Variants in PKHD1 observed in about 807,000 individuals in gnomAD.
The protein encoded by PKHD1 is fibrocystin.
In PKHD1, 291 loss-of-function variants were observed where a neutral mutation model predicts 412.0. The observed-to-expected ratio is 0.71, with a 90% CI of 0.64 to 0.78. The LOEUF is 0.78. PKHD1 is among the 30% of genes least tolerant of loss of function. PKHD1 has a pLI of 0.00. For missense variants in PKHD1, 4,825 were observed against 4,950.7 expected (o/e 0.97, Z 0.76); for synonymous variants, 1,777 against 1,821.5 (o/e 0.98, Z 0.62).
chr6:52,050,042 C>T (rs770376502), intron 22 of PKHD1, 115 bp downstream of exon 22: 80 of 955,116 alleles, frequency 8.4e-5, no homozygotes, highest in Non-Finnish European at 1.3e-4. Flanking sequence ...AGATTGAGAA[C>T]ATTGCTTTAA....
intron 53 of PKHD1, among the ~76,000 whole-genome samples, chr6:51,784,331 A>G (rs747939090): frequency 7.9e-5 from 12 of 152,174 alleles, no homozygotes; most frequent in Admixed American, 2.6e-4. Context: ...TAAGATAGCT[A>G]AAACAGCCAT....
intron 59 of PKHD1, among the ~76,000 whole-genome samples, chr6:51,746,321 A>C (rs2150971597): frequency 6.6e-6 from 1 of 152,330 alleles, no homozygotes; most frequent in South Asian, 2.1e-4. Context: ...ACTCCAATGA[A>C]GAATGAAGAA....
chr6:51,885,777 T>C (rs1778110634), intron 45 of PKHD1, 90 bp downstream of exon 45: 1 of 834,382 alleles, frequency 1.2e-6, no homozygotes, highest in Non-Finnish European at 2.0e-6. Context: ...CCCATTTAAG[T>C]AGATATGCAT....
chr6:51,618,811 T>A lies in PKHD1; in HGVS notation c.*270A>T. 2.1e-6 allele frequency: 1 copy of A among 486,046 alleles called. No homozygotes were observed. Among genetic ancestry groups the A allele is most frequent in the African/African-American group, 1.9e-5 (1 of 51,368 alleles). 30.1% of individuals were successfully genotyped at this position (486,046 alleles called of 1,614,324 possible). On this transcript the variant is annotated 3_prime_UTR_variant, in exon 67 of 67. Coordinates refer to ENST00000371117, the MANE Select transcript of PKHD1 (RefSeq NM_138694.4). ...CATTATCAAGTTGTTAAAATCAGGC[T>A]TAAGTTAAAAACTGGTAAATAATTA...
At chr6:51,920,228 G>A (rs928891090) in intron 37 of PKHD1, among the ~76,000 whole-genome samples, 2 of 152,190 alleles carry the variant, frequency 1.3e-5, no homozygotes, top group African/African-American at 2.4e-5. Context: ...AATGCTTCTG[G>A]TTTCTGCCCA....
chr6:52,058,578 G>A lies in PKHD1; in HGVS notation c.1257C>T (p.Val419=), dbSNP rs374650666. 2.0e-4 allele frequency: 316 copies of A among 1,614,060 alleles called. No individual in the cohort carries two copies. Among genetic ancestry groups the A allele is most frequent in the Middle Eastern group, 6.6e-4 (4 of 6,062 alleles). Residue 419 remains valine (V), a synonymous_variant, in exon 16 of 67, where the codon GTC becomes GTT. Coordinates refer to ENST00000371117, the MANE Select transcript of PKHD1 (RefSeq NM_138694.4). ...RTKVKVASIS[V]GTADWFDSWE... ...AGGAGTCAAACCAGTCAGCAGTGCC[G>A]ACGCTGATGGAGGCCACTTTCACCT...
chr6:51,778,667 T>C (rs956918833), intron 53 of PKHD1, among the ~76,000 whole-genome samples: 6 of 152,206 alleles, frequency 3.9e-5, no homozygotes, highest in Middle Eastern at 3.4e-3. Context: ...TCATTATAAT[T>C]ATTTGGGGAA....
intron 60 of PKHD1, among the ~76,000 whole-genome samples, chr6:51,673,563 A>T (rs1415565204): frequency 6.6e-6 from 1 of 152,188 alleles, no homozygotes; most frequent in African/African-American, 2.4e-5. Context: ...TGAGTTAGCC[A>T]CCTTAAGAAA....
intron 52 of PKHD1, among the ~76,000 whole-genome samples, chr6:51,811,918 A>C (rs913649925): frequency 6.6e-6 from 1 of 152,186 alleles, no homozygotes; most frequent in Non-Finnish European, 1.5e-5. Context: ...TGAACAGAAA[A>C]AAATTATGTA....
At chr6:51,738,920 G>GACAC (rs146074613) in intron 60 of PKHD1, among the ~76,000 whole-genome samples, 2 of 150,402 alleles carry the variant, frequency 1.3e-5, no homozygotes, top group Non-Finnish European at 3.0e-5. Context: ...CTGCACACAA[G>GACAC]ACACACACAC....
chr6:51,789,689 A>G lies in PKHD1; in HGVS notation c.8440+1547T>C, dbSNP rs531605149. On this transcript the variant is annotated intron_variant, in intron 53 of 66. Transcript: ENST00000371117. ...TGAGTGATCACTTCATTTCCACCAC[A>G]TAATTCTCTTTGTTTTTCTGTGTTT... 8.2e-4 allele frequency among the ~76,000 whole-genome samples: 125 copies of G among 152,338 alleles called. 2 individuals carry two copies. In the South Asian group the frequency reaches 0.026, roughly 32 times the overall value.
chr6:52,033,102 T>C lies in PKHD1; in HGVS notation c.3292A>G (p.Arg1098Gly), dbSNP rs1314035360. The C allele has an allele frequency of 6.2e-7, 1 of 1,610,622 alleles. No homozygotes were observed. Among genetic ancestry groups the C allele is most frequent in the Non-Finnish European group, 8.5e-7 (1 of 1,176,816 alleles). ...AAGGAAGAGACATATGTAAATGCTCTGGGAAGAACTGCAGAATAGTCCCCT... is the reference window on the plus strand; with the variant it reads ...AAGGAAGAGACATATGTAAATGCTCCGGGAAGAACTGCAGAATAGTCCCCT... ...IRGDYSAVLP[R>G]AFTYVSSLNP... Residue 1098 changes from arginine (R) to glycine (G), a missense_variant, in exon 29 of 67, where the codon AGA (arginine) becomes GGA (glycine). Physicochemically the swap from Arg to Gly is moderately radical, Grantham distance 125. Coordinates refer to ENST00000371117, the MANE Select transcript of PKHD1 (RefSeq NM_138694.4).
chr6:51,868,413 T>C (rs924003128), intron 47 of PKHD1, among the ~76,000 whole-genome samples: 2 of 152,088 alleles, frequency 1.3e-5, no homozygotes, highest in African/African-American at 4.8e-5. Context: ...CCAAGAGACA[T>C]GGCACTATTT....
At chr6:51,753,873 A>G (rs1211699704) in intron 56 of PKHD1, among the ~76,000 whole-genome samples, 1 of 152,232 alleles carries the variant, frequency 6.6e-6, no homozygotes, top group Admixed American at 6.5e-5. Flanking sequence ...CGGCCTGAAC[A>G]GCTTCCACAG....
At chr6:51,813,139 G>A (rs1764947190) in intron 52 of PKHD1, among the ~76,000 whole-genome samples, 1 of 152,114 alleles carries the variant, frequency 6.6e-6, no homozygotes, top group Admixed American at 6.6e-5. Flanking sequence ...GACCTCCTGA[G>A]GCTGTGTCAC....
At chr6:51,623,899 A>G (rs1017546290) in intron 66 of PKHD1, among the ~76,000 whole-genome samples, 3 of 152,080 alleles carry the variant, frequency 2.0e-5, no homozygotes, top group Non-Finnish European at 4.4e-5. Context: ...TTTGTTTTAT[A>G]TATGCTGTGT....
At position 52,056,972 on chromosome 6, in the gene PKHD1, T is replaced by C. The variant is rs945111366; in HGVS notation, c.1520A>G (p.Asn507Ser). The C allele has an allele frequency of 1.2e-6, 2 of 1,612,034 alleles. No individual in the cohort carries two copies. Among genetic ancestry groups the C allele is most frequent in the African/African-American group, 2.7e-5 (2 of 74,902 alleles). The change falls in exon 17 of 67, where the codon AAT becomes AGT. Residue 507 changes from asparagine to serine, a missense_variant. Transcript: ENST00000371117. ...AQRLPEVQVL[N>S]VSGRGNFFLT... ...GAAGAAGTTTCCTCTGCCTGATACA[T>C]TCAGCACCTAAAAAAGTCAAGACAG...
intron 60 of PKHD1, among the ~76,000 whole-genome samples, chr6:51,691,079 G>T (rs1259865856): frequency 6.6e-6 from 1 of 152,166 alleles, no homozygotes; most frequent in African/African-American, 2.4e-5. Flanking sequence ...GATCATTAGA[G>T]AAATGCAAAT....
intron 60 of PKHD1, among the ~76,000 whole-genome samples, chr6:51,743,152 C>T (rs1784773804): frequency 6.6e-6 from 1 of 152,124 alleles, no homozygotes; most frequent in Non-Finnish European, 1.5e-5. Context: ...AAATATCCCT[C>T]TGGCCATGTG....
Sources: allele counts gnomAD v4.1 joint callset (sites outside exome capture counted in the v4.1 genomes callset), GRCh38; gene constraint gnomAD v4.1.1; transcripts MANE v1.5; gene names NCBI Gene and HGNC (gene_info 2026-07-23, HGNC 2026-07-21).